GALNT17: variants seen among roughly 807,000 people sequenced by gnomAD.
The protein encoded by GALNT17 is polypeptide N-acetylgalactosaminyltransferase 17.
A neutral mutation model predicts 63.7 loss-of-function variants in GALNT17; 29 were observed. That is an observed-to-expected ratio of 0.46 (90% CI 0.34 to 0.62). GALNT17 has a LOEUF of 0.62. Among genes scored for constraint, GALNT17 ranks in the 20% least tolerant of loss-of-function variants. The pLI is 0.01. For synonymous variants in GALNT17, 305 were observed against 318.3 expected (o/e 0.96, Z 0.45); for missense variants, 603 against 799.6 (o/e 0.75, Z 2.97).
intron 4 of GALNT17, among the ~76,000 whole-genome samples, chr7:71,419,487 A>G (rs1786618612): frequency 1.3e-5 from 2 of 152,228 alleles, no homozygotes; most frequent in South Asian, 4.1e-4. Flanking sequence ...GCTCATAAGG[A>G]AAAATAATTC....
At chr7:71,566,872 G>C (rs1452831255) in intron 5 of GALNT17, among the ~76,000 whole-genome samples, 2 of 152,094 alleles carry the variant, frequency 1.3e-5, no homozygotes, top group African/African-American at 4.8e-5. Flanking sequence ...AGGATTCCTG[G>C]GTGGCCAGTC....
Position 71,698,592 on chromosome 7 carries a change from T to A in GALNT17, c.1501-12169T>A, listed in dbSNP as rs192533125. On this transcript the variant is annotated intron_variant, in intron 9 of 10. Transcript: ENST00000333538. ...AGAGTAAACAATAAAATAATAGAAA[T>A]GGAGTGTGATTTTTAAATCTGTAGA... 7.2e-5 allele frequency among the ~76,000 whole-genome samples: 11 copies of A among 151,868 alleles called. No homozygotes were observed. In the Admixed American group the frequency reaches 7.3e-4, roughly 10 times the overall value.
chr7:71,705,461 G>A lies in GALNT17; in HGVS notation c.1501-5300G>A, dbSNP rs916058530. Among the ~76,000 whole-genome samples, 8 of 152,124 alleles carry A rather than the reference G, an allele frequency of 5.3e-5. No homozygotes were observed. In the South Asian group the frequency reaches 6.2e-4, roughly 12 times the overall value. ...CTTTGGAAAATAGTTTGGCAGTTCC[G>A]TAGAAAGTTAAACATAGAGTTACCA... On this transcript the variant is annotated intron_variant, in intron 9 of 10. Coordinates refer to ENST00000333538, the MANE Select transcript of GALNT17 (RefSeq NM_022479.3).
chr7:71,411,872 C>T (rs1201454385), intron 3 of GALNT17, among the ~76,000 whole-genome samples: 1 of 152,210 alleles, frequency 6.6e-6, no homozygotes, highest in Non-Finnish European at 1.5e-5. Flanking sequence ...AACCTTCTCA[C>T]CCACAGAGGC....
chr7:71,166,887 G>T (rs954094392), intron 1 of GALNT17, among the ~76,000 whole-genome samples: 1 of 151,834 alleles, frequency 6.6e-6, no homozygotes, highest in Non-Finnish European at 1.5e-5. Flanking sequence ...TAGTAAGTGT[G>T]TATTTAACTG....
chr7:71,441,938 A>C (rs1198084334), intron 5 of GALNT17, among the ~76,000 whole-genome samples: 1 of 152,086 alleles, frequency 6.6e-6, no homozygotes, highest in African/African-American at 2.4e-5. Flanking sequence ...TGCTGCAATA[A>C]ACGTATGTGT....
At chr7:71,551,406 A>G (rs767723519) in intron 5 of GALNT17, among the ~76,000 whole-genome samples, 6 of 152,128 alleles carry the variant, frequency 3.9e-5, no homozygotes, top group African/African-American at 4.8e-5. Context: ...ATGTTTTCCA[A>G]TAAGTCTGAT....
At chr7:71,692,995 T>C (rs931921207) in intron 9 of GALNT17, among the ~76,000 whole-genome samples, 20 of 151,838 alleles carry the variant, frequency 1.3e-4, no homozygotes, top group African/African-American at 4.8e-4. Flanking sequence ...CACCTCGGCC[T>C]CCCAAAGTGC....
At chr7:71,644,375 A>G (rs1303240710) in intron 6 of GALNT17, among the ~76,000 whole-genome samples, 1 of 151,738 alleles carries the variant, frequency 6.6e-6, no homozygotes, top group African/African-American at 2.4e-5. Context: ...TCTCTACTAA[A>G]AATACAAAAA....
At chr7:71,523,901 C>T (rs1263867300) in intron 5 of GALNT17, among the ~76,000 whole-genome samples, 1 of 151,598 alleles carries the variant, frequency 6.6e-6, no homozygotes, top group African/African-American at 2.4e-5. Context: ...GGGCAGATCA[C>T]GAGGTCAGGA....
At chr7:71,572,739 A>G (rs970059209) in intron 6 of GALNT17, among the ~76,000 whole-genome samples, 1 of 152,080 alleles carries the variant, frequency 6.6e-6, no homozygotes, top group African/African-American at 2.4e-5. Context: ...CATGCTGTAC[A>G]TTAGATCTCC....
At chr7:71,666,127 C>G (rs1290563199) in intron 7 of GALNT17, among the ~76,000 whole-genome samples, 1 of 152,032 alleles carries the variant, frequency 6.6e-6, no homozygotes, top group Non-Finnish European at 1.5e-5. Flanking sequence ...AATCCCAACT[C>G]TATCATTTAT....
intron 6 of GALNT17, among the ~76,000 whole-genome samples, chr7:71,594,680 T>A (rs1382988188): frequency 6.6e-6 from 1 of 152,174 alleles, no homozygotes; most frequent in Non-Finnish European, 1.5e-5. Flanking sequence ...AGGCAGGAAT[T>A]CTTGTGAACC....
intron 1 of GALNT17, among the ~76,000 whole-genome samples, chr7:71,252,092 T>A (rs1031722409): frequency 1.3e-5 from 2 of 152,156 alleles, no homozygotes; most frequent in Non-Finnish European, 2.9e-5. Context: ...CAAAAGAGGA[T>A]GTCACCACCA....
intron 9 of GALNT17, among the ~76,000 whole-genome samples, chr7:71,696,652 G>A (rs1791550143): frequency 1.3e-5 from 2 of 152,176 alleles, no homozygotes; most frequent in Admixed American, 1.3e-4. Flanking sequence ...ATAGTTGTAT[G>A]TGTCTCTTAG....
At chr7:71,669,321 A>C (rs144689032) in intron 7 of GALNT17, among the ~76,000 whole-genome samples, 2,296 of 152,056 alleles carry the variant, frequency 0.015, 29 homozygotes, top group Non-Finnish European at 0.023. Flanking sequence ...TTTGAGACCA[A>C]CCTGACCAAC....
intron 3 of GALNT17, among the ~76,000 whole-genome samples, chr7:71,402,024 AT>A (rs1793250261): frequency 6.6e-6 from 1 of 152,206 alleles, no homozygotes; most frequent in Non-Finnish European, 1.5e-5. Flanking sequence ...AAAGAGAGGA[AT>A]AAAATCCCAG....
rs147546164 is a variant in GALNT17 at position 71,687,260 on chromosome 7, T to A, written c.1500+9954T>A. On this transcript the variant is annotated intron_variant, in intron 9 of 10. Transcript: ENST00000333538. Reference sequence around the variant, plus strand: ...TATCCTGTAATTAAATTCAATCTGATCTTGGACTCATTCTCTGATGGCTTC... The same window carrying A: ...TATCCTGTAATTAAATTCAATCTGAACTTGGACTCATTCTCTGATGGCTTC... 4.8e-4 allele frequency among the ~76,000 whole-genome samples: 73 copies of A among 152,366 alleles called. 1 individual carries two copies. In the East Asian group the frequency reaches 0.013, roughly 27 times the overall value.
chr7:71,646,013 C>G (rs529176155), intron 6 of GALNT17, among the ~76,000 whole-genome samples: 1 of 152,300 alleles, frequency 6.6e-6, no homozygotes, highest in African/African-American at 2.4e-5. Context: ...AATGTCTGAT[C>G]TTTTGATGTG....
Sources: gnomAD v4.1 joint callset for allele counts (sites outside exome capture counted in the v4.1 genomes callset) on GRCh38, gnomAD v4.1.1 for gene constraint, MANE v1.5 for transcripts, NCBI Gene and HGNC (gene_info 2026-07-23, HGNC 2026-07-21) for gene names.